The following CGGBP1 variants were observed in gnomAD, a reference collection of about 807,000 sequenced individuals.
CGGBP1 encodes CGG triplet repeat binding protein 1.
Under a neutral mutation model 11.4 loss-of-function variants are expected in CGGBP1, and 4 were observed. The ratio of observed to expected loss-of-function variants is 0.35; its 90% confidence interval spans 0.17 to 0.80. CGGBP1 has a LOEUF of 0.80. Among genes scored for constraint, CGGBP1 ranks in the 30% least tolerant of loss-of-function variants. CGGBP1 has a pLI of 0.52. For missense variants in CGGBP1, 135 were observed against 202.1 expected (o/e 0.67, Z 2.01); for synonymous variants, 76 against 74.1 (o/e 1.03, Z -0.13).
chr3:88,075,067 A>G (rs1707725808), intron 2 of CGGBP1, among the ~76,000 whole-genome samples: 1 of 152,210 alleles, frequency 6.6e-6, no homozygotes, highest in Non-Finnish European at 1.5e-5. Context: ...ACAAATTTCC[A>G]TGGACGGTAG....
intron 2 of CGGBP1, among the ~76,000 whole-genome samples, chr3:88,090,121 ATTG>A (rs1708555939): frequency 6.6e-6 from 1 of 152,168 alleles, no homozygotes; most frequent in African/African-American, 2.4e-5. Flanking sequence ...TCTACTTTTT[ATTG>A]TTATTTTAGA....
At chr3:88,132,918 G>T (rs560725526) in intron 2 of CGGBP1, among the ~76,000 whole-genome samples, 1 of 152,272 alleles carries the variant, frequency 6.6e-6, no homozygotes, top group East Asian at 1.9e-4. Flanking sequence ...AACATTTAGG[G>T]TGCAGTATGA....
rs1021818141 is a variant in CGGBP1, at chr3:88,141,325, T to A, written c.-337-247A>T. On this transcript the variant is annotated intron_variant, in intron 1 of 3. Coordinates refer to the CGGBP1 transcript ENST00000462901. ...AGAACCTGAACACAGGTTTTTCATA[T>A]TCTTTGATTATACTTCTTCACTGTA... is the stretch of plus-strand genomic sequence containing the variant. Among the ~76,000 whole-genome samples, 69 of 98,226 alleles carry A rather than the reference T, an allele frequency of 7.0e-4. 1 individual carries two copies. The highest frequency in any genetic ancestry group is 2.1e-3 in the African/African-American group (67 of 31,894). 64.4% of individuals were successfully genotyped at this position (98,226 alleles called of 152,430 possible).
chr3:88,142,536 T>C (rs1276027066), intron 1 of CGGBP1: 1 of 152,280 alleles, frequency 6.6e-6, no homozygotes, highest in East Asian at 1.9e-4. Flanking sequence ...GGGATACTTC[T>C]GTTTGTGTAT....
At chr3:88,077,377 A>G (rs1576217243) in intron 2 of CGGBP1, among the ~76,000 whole-genome samples, 1 of 142,368 alleles carries the variant, frequency 7.0e-6, no homozygotes, top group Admixed American at 7.4e-5. Flanking sequence ...TCTGTTGCCC[A>G]GGCTGGAGTA....
At chr3:88,139,217 T>C (rs1001450714) in intron 2 of CGGBP1, 5 of 1,473,072 alleles carry the variant, frequency 3.4e-6, no homozygotes, top group Non-Finnish European at 2.7e-6. Context: ...ATGATGTATC[T>C]GGAGTGCAGC....
chr3:88,086,837 C>T (rs1486672885), intron 2 of CGGBP1, among the ~76,000 whole-genome samples: 1 of 152,192 alleles, frequency 6.6e-6, no homozygotes, highest in Admixed American at 6.5e-5. Flanking sequence ...GGCTGGAGTG[C>T]AGTGGTGCCA....
intron 2 of CGGBP1, among the ~76,000 whole-genome samples, chr3:88,113,463 T>C (rs1357433082): frequency 6.6e-6 from 1 of 152,192 alleles, no homozygotes. Flanking sequence ...TCCTAGAACT[T>C]AGTCCTGGTG....
intron 1 of CGGBP1, among the ~76,000 whole-genome samples, 158 bp downstream of exon 1, chr3:88,058,640 CGGCAGGCGCCTGGCGGA>C (rs1352571258): frequency 1.3e-5 from 2 of 152,206 alleles, no homozygotes; most frequent in African/African-American, 4.8e-5. Context: ...AGGGAGGCGG[CGGCAGGCGCCTGGCGGA>C]GGCGGCCGCT....
chr3:88,109,418 A>G (rs1301299709), intron 2 of CGGBP1, among the ~76,000 whole-genome samples: 2 of 152,064 alleles, frequency 1.3e-5, no homozygotes, highest in African/African-American at 2.4e-5. Context: ...AGAGTTTATT[A>G]TATTATTGTT....
upstream of CGGBP1, chr3:88,059,642 C>T (rs1367187145): frequency 1.7e-5 from 22 of 1,306,348 alleles, no homozygotes; most frequent in East Asian, 4.8e-4. Flanking sequence ...CTGAAGCTCC[C>T]TCCTCCACTT....
chr3:88,117,133 A>G (rs1267321034), intron 2 of CGGBP1, among the ~76,000 whole-genome samples: 1 of 152,218 alleles, frequency 6.6e-6, no homozygotes, highest in Non-Finnish European at 1.5e-5. Context: ...GAACTATCAA[A>G]TTGAAAGTAC....
Position 88,055,716 on chromosome 3 carries a change from A to T in CGGBP1, c.261T>A (p.Thr87=). Residue 87 remains threonine (T), a synonymous_variant, in exon 4 of 4, where the codon ACT becomes ACA. Transcript: ENST00000482016. The surrounding 1 kb of genome is among the most constrained non-coding windows in gnomAD (Gnocchi z 4.2). ...CAGTACTGTTGCACTGAAGAGATGC[A>T]GTTAGGGGCCTCTGCTTCTTTCTCA... is the stretch of plus-strand genomic sequence containing the variant. ...QNVRKKQRPL[T]ASLQCNSTAQ... is the part of the protein sequence containing the mutation. 6.2e-7 allele frequency: 1 copy of T among 1,614,212 alleles called. No homozygotes were observed. The highest frequency in any genetic ancestry group is 1.7e-5 in the Admixed American group (1 of 60,018).
intron 2 of CGGBP1, among the ~76,000 whole-genome samples, chr3:88,097,226 T>C (rs1704118009): frequency 6.6e-6 from 1 of 152,130 alleles, no homozygotes; most frequent in Admixed American, 6.6e-5. Flanking sequence ...AATTTATCAC[T>C]TATCACACAT....
At chr3:88,065,619 AT>A (rs532198365) in intron 2 of CGGBP1, among the ~76,000 whole-genome samples, 1,692 of 149,962 alleles carry the variant, frequency 0.011, 24 homozygotes, top group African/African-American at 0.039. Flanking sequence ...TATTTTTTAC[AT>A]TTTTTTTTTA....
chr3:88,119,411 A>AGGGGGGG (rs1705629599), intron 2 of CGGBP1, among the ~76,000 whole-genome samples: 42 of 37,202 alleles, frequency 1.1e-3, no homozygotes, highest in Admixed American at 1.8e-3. Context: ...GGGAGGGGGG[A>AGGGGGGG]GGGATAGCAT....
At chr3:88,095,598 C>T (rs1456124405) in intron 2 of CGGBP1, 2 of 520,434 alleles carry the variant, frequency 3.8e-6, no homozygotes, top group African/African-American at 3.9e-5. Context: ...ATCTGTTGCC[C>T]CAATGATCTT....
upstream of CGGBP1, among the ~76,000 whole-genome samples, chr3:88,064,003 T>C (rs1363760208): frequency 6.6e-6 from 1 of 152,194 alleles, no homozygotes; most frequent in African/African-American, 2.4e-5. Flanking sequence ...CTGAAAAGAA[T>C]GTTAGGAAAT....
At chr3:88,128,227 T>G (rs9878359) in intron 2 of CGGBP1, among the ~76,000 whole-genome samples, 2,363 of 152,232 alleles carry the variant, frequency 0.016, 24 homozygotes, top group Non-Finnish European at 0.024. Flanking sequence ...AAAGTATTAA[T>G]TAGTAATTAT....
Sources: gnomAD v4.1 joint callset for allele counts (sites outside exome capture counted in the v4.1 genomes callset) on GRCh38, gnomAD v4.1.1 for gene constraint, Gnocchi (gnomAD v3.1) non-coding constraint, MANE v1.5 for transcripts, NCBI Gene and HGNC (gene_info 2026-07-23, HGNC 2026-07-21) for gene names.